The following AMMECR1 variants were observed in gnomAD, a reference collection of about 807,000 sequenced individuals.
AMMECR1 encodes the protein AMMECR nuclear protein 1, also known as nuclear protein AMMECR1.
Under a neutral mutation model 22.5 loss-of-function variants are expected in AMMECR1, and 3 were observed. The ratio of observed to expected loss-of-function variants is 0.13; its 90% CI spans 0.06 to 0.35. AMMECR1 has a LOEUF of 0.35. AMMECR1 is among the 10% of genes least tolerant of loss of function. AMMECR1 has a pLI of 1.00. For synonymous variants in AMMECR1, 130 were observed against 116.7 expected (o/e 1.11, Z -0.74); for missense variants, 235 against 278.7 (o/e 0.84, Z 1.12).
chrX:110,417,903 T>A (rs186493960), intron 2 of AMMECR1, among the ~76,000 whole-genome samples: 1 of 112,533 alleles, frequency 8.9e-6, no homozygotes, highest in East Asian at 2.8e-4. Flanking sequence ...TGAAACCAGG[T>A]CATTCCAGTC....
intron 2 of AMMECR1, among the ~76,000 whole-genome samples, chrX:110,383,187 G>A (rs1208493422): frequency 9.0e-6 from 1 of 111,607 alleles, no homozygotes; most frequent in Non-Finnish European, 1.9e-5. Flanking sequence ...GATTGGAGAA[G>A]GCTATCTGTC....
rs145342306 is a variant in AMMECR1 at position 110,220,771 on chromosome X, C to A, written c.585-4139G>T. 5.3e-3 allele frequency among the ~76,000 whole-genome samples: 594 copies of A among 111,438 alleles called. 3 individuals are homozygous for A. Among genetic ancestry groups the A allele is most frequent in the African/African-American group, 0.019 (576 of 30,727 alleles). On this transcript the variant is annotated intron_variant, in intron 2 of 5. Coordinates refer to ENST00000262844, the MANE Select transcript of AMMECR1 (RefSeq NM_015365.3). ...TCACCTAATTGAGAAGGAACGTTAACATTTGTCAAAGTTAATATATAATGT... is the reference window on the plus strand; with the variant it reads ...TCACCTAATTGAGAAGGAACGTTAAAATTTGTCAAAGTTAATATATAATGT...
At position 110,434,478 on chromosome X, in the gene AMMECR1, G is replaced by A. The variant is rs746944953; in HGVS notation, c.-294+5412C>T. Reference sequence around the variant, plus strand: ...AACCACGACCGTGGCAGTGAGAGCCGAGAGGAGGGGATGACTCAAGGCACA... The same window carrying A: ...AACCACGACCGTGGCAGTGAGAGCCAAGAGGAGGGGATGACTCAAGGCACA... On this transcript the variant is annotated intron_variant, in intron 1 of 7. Coordinates refer to the AMMECR1 transcript ENST00000372057. Among the ~76,000 whole-genome samples the A allele has an allele frequency of 2.7e-4, 30 of 111,529 alleles. No individual in the cohort carries two copies. In the South Asian group the frequency reaches 4.6e-3, roughly 17 times the overall value.
intron 2 of AMMECR1, among the ~76,000 whole-genome samples, chrX:110,244,478 T>G (rs2067648721): frequency 8.9e-6 from 1 of 112,129 alleles, no homozygotes; most frequent in South Asian, 3.7e-4. Context: ...TTGAGTCGTA[T>G]ATGTCCATAG....
rs1161662250 is a variant in AMMECR1, at chrX:110,194,462, T to C, written c.*4058A>G. The C allele has an allele frequency of 9.0e-6, 1 of 111,729 alleles. No homozygotes were observed. The highest frequency in any genetic ancestry group is 3.3e-5 in the African/African-American group (1 of 30,734). The allele number at this position is 111,729 out of a possible 1,213,427, so 9.2% of individuals were successfully genotyped here. The stretch of plus-strand genomic sequence containing the variant: ...GGTAATCTGTGATGTCTTACGGTAA[T>C]CAAAAAACAGGTTACTAAGAAAGAA... On this transcript the variant is annotated 3_prime_UTR_variant, in exon 6 of 6. Coordinates refer to ENST00000262844, the MANE Select transcript of AMMECR1 (RefSeq NM_015365.3).
At chrX:110,298,598 G>A (rs908545773) in intron 1 of AMMECR1, among the ~76,000 whole-genome samples, 2 of 111,253 alleles carry the variant, frequency 1.8e-5, no homozygotes, top group Non-Finnish European at 3.8e-5. Context: ...CTCTCTTAAC[G>A]TAGCACCTAC....
At chrX:110,256,546 CTTTA>C (rs1267639195) in intron 2 of AMMECR1, among the ~76,000 whole-genome samples, 5 of 111,166 alleles carry the variant, frequency 4.5e-5, no homozygotes, top group Admixed American at 9.6e-5. Flanking sequence ...AAAGTTTGCT[CTTTA>C]TTTAAAAATT....
rs186530925 is a variant in AMMECR1, at chrX:110,316,492, C to A, written c.473+1107G>T. Among the ~76,000 whole-genome samples, 5 of 110,345 alleles carry A rather than the reference C, an allele frequency of 4.5e-5. No individual in the cohort carries two copies. In the Admixed American group the frequency reaches 4.8e-4, roughly 11 times the overall value. On this transcript the variant is annotated intron_variant, in intron 1 of 5. Coordinates refer to ENST00000262844, the MANE Select transcript of AMMECR1 (RefSeq NM_015365.3). Reference sequence around the variant, plus strand: ...CTAAGTACTCAAATAAAAGCAATTGCACTTTTTCTCATTCTGCCCTCTCTT... The same window carrying A: ...CTAAGTACTCAAATAAAAGCAATTGAACTTTTTCTCATTCTGCCCTCTCTT...
At chrX:110,301,992 C>A (rs1293988317) in intron 1 of AMMECR1, among the ~76,000 whole-genome samples, 2 of 111,604 alleles carry the variant, frequency 1.8e-5, no homozygotes, top group Admixed American at 9.5e-5. Flanking sequence ...GGAATGGAAT[C>A]ATAGAGTAAA....
intron 2 of AMMECR1, among the ~76,000 whole-genome samples, chrX:110,365,150 G>A (rs929875126): frequency 1.8e-5 from 2 of 111,753 alleles, no homozygotes; most frequent in Admixed American, 9.5e-5. Context: ...TTTGTGGGCC[G>A]CCTATTGTGG....
chrX:110,296,402 A>C (rs2067936026), intron 1 of AMMECR1, among the ~76,000 whole-genome samples: 1 of 111,773 alleles, frequency 8.9e-6, no homozygotes, highest in Non-Finnish European at 1.9e-5. Flanking sequence ...CTTTGAGTAC[A>C]TGGAGCTTCT....
At chrX:110,378,090 T>C (rs2068392001) in intron 2 of AMMECR1, among the ~76,000 whole-genome samples, 1 of 110,673 alleles carries the variant, frequency 9.0e-6, no homozygotes, top group African/African-American at 3.3e-5. Flanking sequence ...AGATTCTGAT[T>C]TCCTTGTGGA....
At chrX:110,252,869 G>A (rs1035983492) in intron 2 of AMMECR1, among the ~76,000 whole-genome samples, 1 of 112,326 alleles carries the variant, frequency 8.9e-6, no homozygotes, top group African/African-American at 3.2e-5. Context: ...GGTGATAAGT[G>A]CTACGGAGAA....
chrX:110,327,767 T>C (rs752303689), intron 2 of AMMECR1, among the ~76,000 whole-genome samples: 1 of 112,166 alleles, frequency 8.9e-6, no homozygotes, highest in Admixed American at 9.4e-5. Flanking sequence ...TATTATTTCT[T>C]TGATAGTCAT....
At chrX:110,424,238 G>A (rs746926333) in intron 2 of AMMECR1, among the ~76,000 whole-genome samples, 5 of 111,681 alleles carry the variant, frequency 4.5e-5, no homozygotes, top group South Asian at 3.8e-4. Flanking sequence ...TTGTGGGCCC[G>A]TCACAGCTCT....
chrX:110,400,161 A>T (rs936702893), intron 2 of AMMECR1, among the ~76,000 whole-genome samples: 6 of 107,214 alleles, frequency 5.6e-5, no homozygotes, highest in African/African-American at 2.0e-4. Flanking sequence ...TTACACACAC[A>T]TTTGGGTGCA....
chrX:110,211,474 A>G (rs1024173468), intron 3 of AMMECR1, among the ~76,000 whole-genome samples: 1 of 112,105 alleles, frequency 8.9e-6, no homozygotes, highest in Non-Finnish European at 1.9e-5. Flanking sequence ...GTTTAACTCT[A>G]CAAGTTCCAG....
chrX:110,421,163 A>T (rs2068714501), intron 2 of AMMECR1, among the ~76,000 whole-genome samples: 1 of 112,202 alleles, frequency 8.9e-6, no homozygotes, highest in African/African-American at 3.2e-5. Flanking sequence ...AAAATGGATC[A>T]CTCTGATGTA....
chrX:110,198,399 T>C lies in AMMECR1; in HGVS notation c.*121A>G. ...AGTTGACGATGTCGAAGCTTCACCATGGCAACGGAAACTATCATCATAAAA... is the reference window on the plus strand; with the variant it reads ...AGTTGACGATGTCGAAGCTTCACCACGGCAACGGAAACTATCATCATAAAA... On this transcript the variant is annotated 3_prime_UTR_variant, in exon 6 of 6. Coordinates refer to ENST00000262844, the MANE Select transcript of AMMECR1 (RefSeq NM_015365.3). 2 of 358,697 alleles carry C rather than the reference T, an allele frequency of 5.6e-6. No individual in the cohort carries two copies. The highest frequency in any genetic ancestry group is 4.8e-6 in the Non-Finnish European group (1 of 209,687). 29.6% of individuals were successfully genotyped at this position (358,697 alleles called of 1,213,427 possible).
Sources: gnomAD v4.1 joint callset for allele counts (sites outside exome capture counted in the v4.1 genomes callset) on GRCh38, gnomAD v4.1.1 for gene constraint, MANE v1.5 for transcripts, NCBI Gene and HGNC (gene_info 2026-07-23, HGNC 2026-07-21) for gene names.